Variants in DYNC1I1 observed in about 807,000 individuals in gnomAD.
The protein encoded by DYNC1I1 is cytoplasmic dynein 1 intermediate chain 1.
DYNC1I1 carries 43 observed loss-of-function variants against 86.6 expected under a neutral mutation model. That is an observed-to-expected ratio of 0.50 (90% confidence interval 0.39 to 0.64). The LOEUF is 0.64. DYNC1I1 is among the 30% of genes least tolerant of loss of function. The pLI is 0.00. For synonymous variants in DYNC1I1, 262 were observed against 283.7 expected, an observed-to-expected ratio of 0.92 and a Z score of 0.77; for missense variants, 604 against 788.8, an observed-to-expected ratio of 0.77 and a Z score of 2.81.
At chr7:95,943,819 A>G (rs1792312092) in intron 6 of DYNC1I1, among the ~76,000 whole-genome samples, 1 of 151,536 alleles carries the variant, frequency 6.6e-6, no homozygotes, top group Non-Finnish European at 1.5e-5. Flanking sequence ...CTGGCTAGCC[A>G]TATGTAGAAA....
chr7:96,009,209 G>A (rs1366766650), intron 10 of DYNC1I1, among the ~76,000 whole-genome samples: 2 of 151,980 alleles, frequency 1.3e-5, no homozygotes, highest in Admixed American at 6.6e-5. Context: ...CTTTTTTCCC[G>A]GGAGTTCTCA....
intron 6 of DYNC1I1, 60 bp from the exon 7 acceptor site, chr7:95,977,452 A>C: frequency 6.5e-7 from 1 of 1,546,308 alleles, no homozygotes; most frequent in Non-Finnish European, 8.8e-7. Flanking sequence ...TCCCACTATC[A>C]ACCAAAGACT....
At chr7:95,946,563 G>T (rs1792406974) in intron 6 of DYNC1I1, among the ~76,000 whole-genome samples, 1 of 152,172 alleles carries the variant, frequency 6.6e-6, no homozygotes, top group Admixed American at 6.5e-5. Flanking sequence ...AAACATGTAA[G>T]CAATAGTCAC....
rs147227959 is a variant in DYNC1I1, at chr7:95,875,617, T to A, written c.490+5619T>A. Reference sequence around the variant, plus strand: ...AATTGTAGAGGGAAGAAAGATGAGGTTTACATGATCTAATGGCCTTGGTGG... The same window carrying A: ...AATTGTAGAGGGAAGAAAGATGAGGATTACATGATCTAATGGCCTTGGTGG... On this transcript the variant is annotated intron_variant, in intron 6 of 16. Coordinates refer to ENST00000447467, the MANE Select transcript of DYNC1I1 (RefSeq NM_001135556.2). Among the ~76,000 whole-genome samples the A allele has an allele frequency of 4.8e-3, 731 of 152,192 alleles. 7 individuals are homozygous for A. The highest frequency in any genetic ancestry group is 0.017 in the African/African-American group (694 of 41,516).
intron 6 of DYNC1I1, among the ~76,000 whole-genome samples, chr7:95,965,106 T>C (rs367591640): frequency 6.6e-6 from 1 of 152,090 alleles, no homozygotes; most frequent in East Asian, 1.9e-4. Flanking sequence ...TACACATGGA[T>C]TGTGAAGCAG....
intron 14 of DYNC1I1, among the ~76,000 whole-genome samples, chr7:96,061,220 G>T (rs1051089738): frequency 1.3e-5 from 2 of 152,166 alleles, no homozygotes; most frequent in Non-Finnish European, 2.9e-5. Context: ...CACTTGGAAC[G>T]CCTGGTCCTG....
intron 6 of DYNC1I1, among the ~76,000 whole-genome samples, chr7:95,925,318 G>A (rs1461718470): frequency 2.0e-5 from 3 of 152,150 alleles, no homozygotes; most frequent in African/African-American, 4.8e-5. Flanking sequence ...ATCAAAATGT[G>A]AGATGAAAGG....
chr7:95,999,731 C>T (rs141453114), intron 10 of DYNC1I1, among the ~76,000 whole-genome samples: 17 of 152,228 alleles, frequency 1.1e-4, no homozygotes, highest in African/African-American at 4.1e-4. Flanking sequence ...GAGTTCCATT[C>T]CTAGCTGACT....
chr7:95,811,864 A>G (rs991820160), intron 3 of DYNC1I1, among the ~76,000 whole-genome samples: 2 of 152,176 alleles, frequency 1.3e-5, no homozygotes, highest in Non-Finnish European at 2.9e-5. Context: ...TAGCCTTTGA[A>G]ATTATGTTGC....
At chr7:96,059,683 T>C (rs1021436280) in intron 14 of DYNC1I1, among the ~76,000 whole-genome samples, 9 of 152,172 alleles carry the variant, frequency 5.9e-5, no homozygotes, top group Non-Finnish European at 4.4e-5. Flanking sequence ...TAGGACAGTC[T>C]GCCCTGAGGA....
intron 6 of DYNC1I1, among the ~76,000 whole-genome samples, chr7:95,959,663 G>C (rs1042895216): frequency 1.1e-4 from 17 of 152,060 alleles, no homozygotes; most frequent in Non-Finnish European, 1.8e-4. Flanking sequence ...AATTAGACCT[G>C]GGTTTACATA....
At chr7:95,854,503 A>T (rs1372511448) in intron 5 of DYNC1I1, among the ~76,000 whole-genome samples, 2 of 152,048 alleles carry the variant, frequency 1.3e-5, no homozygotes, top group Non-Finnish European at 2.9e-5. Flanking sequence ...TTAACAAATT[A>T]TTGTTTCTCT....
At chr7:95,835,443 A>C (rs1262753244) in intron 5 of DYNC1I1, among the ~76,000 whole-genome samples, 1 of 150,958 alleles carries the variant, frequency 6.6e-6, no homozygotes, top group Non-Finnish European at 1.5e-5. Context: ...AGAAATGTAT[A>C]TGCTGTTGAT....
At chr7:95,820,495 C>T (rs932162874) in intron 4 of DYNC1I1, among the ~76,000 whole-genome samples, 20 of 152,168 alleles carry the variant, frequency 1.3e-4, no homozygotes, top group African/African-American at 4.6e-4. Context: ...GCTGATTAAT[C>T]ACTAGTGATT....
In DYNC1I1 at chr7:95,992,062, G is replaced by C. The variant is rs546934029; in HGVS notation, c.844-3886G>C. 9.9e-4 allele frequency among the ~76,000 whole-genome samples: 150 copies of C among 152,160 alleles called. 1 individual carries two copies. Among genetic ancestry groups the C allele is most frequent in the African/African-American group, 3.4e-3 (142 of 41,534 alleles). ...TTTAGTAGAGACGGGGTTTCACCGT[G>C]TTAGCCAGGCTGGTCTTGAACTCCT... On this transcript the variant is annotated intron_variant, in intron 9 of 16. Transcript: ENST00000447467.
intron 6 of DYNC1I1, among the ~76,000 whole-genome samples, chr7:95,874,217 C>T (rs745889125): frequency 1.3e-5 from 2 of 152,184 alleles, no homozygotes; most frequent in African/African-American, 4.8e-5. Context: ...CTATTTGTTA[C>T]AGCTGACAGA....
intron 5 of DYNC1I1, among the ~76,000 whole-genome samples, chr7:95,847,365 T>A (rs1204144788): frequency 6.6e-6 from 1 of 152,198 alleles, no homozygotes; most frequent in Non-Finnish European, 1.5e-5. Flanking sequence ...AGATTCGGTT[T>A]TGTTCCTAAA....
intron 8 of DYNC1I1, among the ~76,000 whole-genome samples, chr7:95,985,331 T>C (rs1265403997): frequency 6.6e-6 from 1 of 152,050 alleles, no homozygotes; most frequent in Non-Finnish European, 1.5e-5. Context: ...TCCAAGCAAA[T>C]AGGAAATTGA....
intron 6 of DYNC1I1, among the ~76,000 whole-genome samples, chr7:95,871,687 G>A (rs1309384055): frequency 1.3e-5 from 2 of 152,134 alleles, no homozygotes; most frequent in Non-Finnish European, 2.9e-5. Context: ...GGATGAAAAG[G>A]CATCAGCTCT....
Sources: allele counts gnomAD v4.1 joint callset (sites outside exome capture counted in the v4.1 genomes callset), GRCh38; gene constraint gnomAD v4.1.1; transcripts MANE v1.5; gene names NCBI Gene and HGNC (gene_info 2026-07-23, HGNC 2026-07-21).